The following ETV6 variants were observed in gnomAD, a reference collection of about 807,000 sequenced individuals.
ETV6 encodes ETS variant transcription factor 6, also known as transcription factor ETV6.
ETV6 carries 16 observed loss-of-function variants against 51.1 expected under a neutral mutation model. That is an observed-to-expected ratio of 0.31 (90% confidence interval 0.21 to 0.48). ETV6 has a LOEUF of 0.48. Among genes scored for constraint, ETV6 ranks in the 20% least tolerant of loss-of-function variants. ETV6 has a pLI of 0.99. For synonymous variants in ETV6, 240 were observed against 224.1 expected, an observed-to-expected ratio of 1.07 and a Z score of -0.64; for missense variants, 458 against 594.8, an observed-to-expected ratio of 0.77 and a Z score of 2.39.
chr12:11,693,858 G>T (rs1414407976), intron 1 of ETV6, among the ~76,000 whole-genome samples: 3 of 152,190 alleles, frequency 2.0e-5, no homozygotes, highest in African/African-American at 7.2e-5. Flanking sequence ...GGCTAGCAGA[G>T]GGAGTGATGA....
intron 4 of ETV6, among the ~76,000 whole-genome samples, chr12:11,862,954 G>GTCT (rs1946737068): frequency 6.6e-6 from 1 of 152,182 alleles, no homozygotes; most frequent in South Asian, 2.1e-4. Flanking sequence ...GACTGGGAGA[G>GTCT]GGAGAAAGTG....
intron 2 of ETV6, 75 bp from the exon 3 acceptor site, chr12:11,839,065 C>A: frequency 2.7e-6 from 4 of 1,476,784 alleles, no homozygotes; most frequent in Non-Finnish European, 3.7e-6. Context: ...ATTCAGAGAC[C>A]TTCTCCCTTT....
chr12:11,677,307 C>G (rs1382063925), intron 1 of ETV6, among the ~76,000 whole-genome samples: 6 of 152,198 alleles, frequency 3.9e-5, no homozygotes, highest in African/African-American at 1.4e-4. Context: ...CCAATAATTA[C>G]AAAGCTGAAC....
At chr12:11,732,144 A>G (rs1865611209) in intron 1 of ETV6, among the ~76,000 whole-genome samples, 2 of 152,236 alleles carry the variant, frequency 1.3e-5, no homozygotes, top group Admixed American at 1.3e-4. Context: ...AATCTTTAGC[A>G]TCACCTGGTA....
intron 2 of ETV6, among the ~76,000 whole-genome samples, chr12:11,807,493 G>A (rs559034757): frequency 8.9e-4 from 136 of 152,214 alleles, no homozygotes; most frequent in Non-Finnish European, 1.8e-3. Flanking sequence ...CAGTGAGCAG[G>A]TGAGGCTCAA....
intron 1 of ETV6, among the ~76,000 whole-genome samples, chr12:11,742,730 C>T (rs1373669743): frequency 6.6e-6 from 1 of 151,724 alleles, no homozygotes; most frequent in Non-Finnish European, 1.5e-5. Context: ...TAACACCTTG[C>T]ATTAGTAGAG....
At position 11,893,490 on chromosome 12, in the gene ETV6, C is replaced by T. The variant is rs527317418; in HGVS notation, c.*2444C>T. 53 of 231,612 alleles carry T rather than the reference C, an allele frequency of 2.3e-4. 1 individual carries two copies. The highest frequency in any genetic ancestry group is 8.6e-4 in the African/African-American group (39 of 45,316). 14.3% of individuals were successfully genotyped at this position (231,612 alleles called of 1,614,324 possible). On this transcript the variant is annotated 3_prime_UTR_variant, in exon 8 of 8. Coordinates refer to ENST00000396373, the MANE Select transcript of ETV6 (RefSeq NM_001987.5). ...AGCCACTTGAAGAAGAAATAGAAGG[C>T]GCTCATTCCAATATAGTCTTTATTT...
intron 4 of ETV6, among the ~76,000 whole-genome samples, chr12:11,866,663 G>C (rs1238482179): frequency 6.6e-6 from 1 of 152,194 alleles, no homozygotes; most frequent in Non-Finnish European, 1.5e-5. Context: ...CAAACAGCCT[G>C]AAGTGTTTAC....
chr12:11,698,539 C>G (rs1864920830), intron 1 of ETV6, among the ~76,000 whole-genome samples: 2 of 152,122 alleles, frequency 1.3e-5, no homozygotes, highest in South Asian at 4.1e-4. Flanking sequence ...GGAGGCTTCC[C>G]TCTGTTCCAT....
chr12:11,815,647 T>G, intron 2 of ETV6, among the ~76,000 whole-genome samples: 1 of 152,232 alleles, frequency 6.6e-6, no homozygotes, highest in Non-Finnish European at 1.5e-5. Flanking sequence ...GATGATGTGT[T>G]TGAGAGCACT....
chr12:11,739,283 A>G (rs1591641683), intron 1 of ETV6, among the ~76,000 whole-genome samples: 1 of 152,140 alleles, frequency 6.6e-6, no homozygotes, highest in Admixed American at 6.5e-5. Context: ...ACAGGGGTCA[A>G]CTTCTGTCAT....
At chr12:11,851,503 C>G (rs909009279) in intron 3 of ETV6, among the ~76,000 whole-genome samples, 5 of 152,180 alleles carry the variant, frequency 3.3e-5, no homozygotes, top group Non-Finnish European at 5.9e-5. Flanking sequence ...ATCACCATGA[C>G]TACTAGGTTT....
chr12:11,807,139 G>A (rs776762425), intron 2 of ETV6, among the ~76,000 whole-genome samples: 6 of 152,194 alleles, frequency 3.9e-5, no homozygotes, highest in African/African-American at 9.7e-5. Context: ...TGAAAAGACC[G>A]TGTGGTTTGC....
intron 2 of ETV6, among the ~76,000 whole-genome samples, chr12:11,809,382 G>A (rs573090497): frequency 6.6e-6 from 1 of 152,168 alleles, no homozygotes; most frequent in East Asian, 1.9e-4. Context: ...TAGGAATGAA[G>A]TTCAAGATCT....
chr12:11,657,183 C>G (rs1022932004), intron 1 of ETV6, among the ~76,000 whole-genome samples: 1 of 152,130 alleles, frequency 6.6e-6, no homozygotes, highest in Non-Finnish European at 1.5e-5. Flanking sequence ...ATTCAGAGAG[C>G]ATTATCCAAA....
At chr12:11,814,930 A>G (rs1372401956) in intron 2 of ETV6, among the ~76,000 whole-genome samples, 1 of 152,178 alleles carries the variant, frequency 6.6e-6, no homozygotes, top group African/African-American at 2.4e-5. Context: ...GTACAGGGGC[A>G]GGGTCTGGGG....
chr12:11,688,176 G>A (rs150092292), intron 1 of ETV6, among the ~76,000 whole-genome samples: 5 of 152,150 alleles, frequency 3.3e-5, no homozygotes, highest in African/African-American at 7.2e-5. Flanking sequence ...GAACTGGATC[G>A]AAGTAGATAC....
chr12:11,683,010 T>C (rs1261134151), intron 1 of ETV6, among the ~76,000 whole-genome samples: 1 of 152,250 alleles, frequency 6.6e-6, no homozygotes, highest in Admixed American at 6.5e-5. Flanking sequence ...TAATTGTTTT[T>C]ACTTAAAGAT....
chr12:11,735,089 T>TC (rs57958976), intron 1 of ETV6, among the ~76,000 whole-genome samples: 6 of 127,404 alleles, frequency 4.7e-5, no homozygotes, highest in African/African-American at 1.6e-4. Context: ...AGGTGGCCTT[T>TC]TTTTTTTTTT....
Sources: allele counts gnomAD v4.1 joint callset (sites outside exome capture counted in the v4.1 genomes callset), GRCh38; gene constraint gnomAD v4.1.1; transcripts MANE v1.5; gene names NCBI Gene and HGNC (gene_info 2026-07-23, HGNC 2026-07-21).